Variants in NFIA observed in about 807,000 individuals in gnomAD.
NFIA encodes the protein nuclear factor I A.
A neutral mutation model predicts 62.8 loss-of-function variants in NFIA; 8 were observed. The ratio of observed to expected loss-of-function variants is 0.13; its 90% CI spans 0.07 to 0.23. The LOEUF (loss-of-function observed/expected upper bound fraction) is 0.23, where lower values mean the gene tolerates loss of function less well. NFIA is among the 10% of genes least tolerant of loss of function. NFIA has a pLI of 1.00. For synonymous variants in NFIA, 235 were observed against 238.1 expected, an observed-to-expected ratio of 0.99 and a Z score of 0.12; for missense variants, 410 against 642.1, an observed-to-expected ratio of 0.64 and a Z score of 3.91.
chr1:61,236,897 C>T (rs1041346184), intron 2 of NFIA, among the ~76,000 whole-genome samples: 1 of 152,186 alleles, frequency 6.6e-6, no homozygotes, highest in African/African-American at 2.4e-5. Context: ...AGAACAACCT[C>T]TTTGAAGCCA....
At chr1:61,240,441 G>A (rs550105878) in intron 2 of NFIA, among the ~76,000 whole-genome samples, 2 of 151,746 alleles carry the variant, frequency 1.3e-5, no homozygotes, top group African/African-American at 4.8e-5. Context: ...CTTTATCACC[G>A]TATTTATGAT....
intron 2 of NFIA, among the ~76,000 whole-genome samples, chr1:61,179,343 T>C (rs1252731878): frequency 6.6e-6 from 1 of 152,148 alleles, no homozygotes; most frequent in Non-Finnish European, 1.5e-5. Context: ...GAGAAGAAGG[T>C]AGGATTTGGA....
Position 61,406,635 on chromosome 1 carries a change from C to T in NFIA, c.1328C>T (p.Pro443Leu). 6.2e-7 allele frequency: 1 copy of T among 1,612,778 alleles called. No homozygotes were observed. Among genetic ancestry groups the T allele is most frequent in the Non-Finnish European group, 8.5e-7 (1 of 1,179,660 alleles). Residue 443 changes from proline (P) to leucine (L), a missense_variant, in exon 9 of 11, where the codon CCA (proline) becomes CTA (leucine). Physicochemically the swap from Pro to Leu is moderately conservative, Grantham distance 98. Coordinates refer to ENST00000403491, the MANE Select transcript of NFIA (RefSeq NM_001134673.4). ...CCAATGTTGCCACCGCCACCGCCAC[C>T]ACCGATGGCCAGGCCTGTGCCTCTG... ...PTPMLPPPPP[P>L]PMARPVPLPV...
Position 61,088,059 on chromosome 1 carries a change from GA to G in NFIA, c.28-88del. 1 of 1,297,486 alleles carries G rather than the reference GA, an allele frequency of 7.7e-7. No individual in the cohort carries two copies. Among genetic ancestry groups the G allele is most frequent in the South Asian group, 1.5e-5 (1 of 67,280 alleles). 80.4% of individuals were successfully genotyped at this position (1,297,486 alleles called of 1,614,324 possible). A position where few individuals can be genotyped will look rare whatever the true frequency, so the allele number is the denominator to read the frequency against. On this transcript the variant is annotated intron_variant, in intron 1 of 10. Coordinates refer to ENST00000403491, the MANE Select transcript of NFIA (RefSeq NM_001134673.4). This position sits in a 1 kb window ranked among gnomAD's most constrained non-coding sequence, Gnocchi z 4.5. ...CTAATCAAATTTCAAGTGAAATGAG[GA>G]ATTTCTTTCTTAAGGTGACCCGCTG...
chr1:61,255,697 A>G (rs2100224068), intron 2 of NFIA, among the ~76,000 whole-genome samples: 1 of 152,292 alleles, frequency 6.6e-6, no homozygotes. Flanking sequence ...TTTGGTGGGA[A>G]GTTTTGGTCT....
intron 6 of NFIA, among the ~76,000 whole-genome samples, chr1:61,376,595 A>G (rs17122038): frequency 0.34 from 50,918 of 151,988 alleles, 8,846 homozygotes; most frequent in East Asian, 0.42. Flanking sequence ...GATTCCTAGT[A>G]TACTTCAGAG....
chr1:61,454,797 A>T (rs1039961476), intron 10 of NFIA, among the ~76,000 whole-genome samples: 1 of 152,170 alleles, frequency 6.6e-6, no homozygotes, highest in East Asian at 1.9e-4. Context: ...TGTCACAATC[A>T]TGGCTTCAGT....
chr1:61,135,979 C>T (rs779060527), intron 2 of NFIA, among the ~76,000 whole-genome samples: 4 of 152,132 alleles, frequency 2.6e-5, no homozygotes, highest in South Asian at 2.1e-4. Flanking sequence ...CCTCCGCTTA[C>T]GCTCGCATAC....
At chr1:61,127,461 TAA>T (rs879760637) in intron 2 of NFIA, among the ~76,000 whole-genome samples, 2 of 141,826 alleles carry the variant, frequency 1.4e-5, no homozygotes, top group African/African-American at 2.6e-5. Context: ...GATTCCATAT[TAA>T]AAAAAAAAAA....
In NFIA at chr1:61,200,029, T is replaced by TACAC. The variant is rs1161220372; in HGVS notation, c.560-77490_560-77489insCACA. On this transcript the variant is annotated intron_variant, in intron 2 of 10. Transcript: ENST00000403491. ...ATATATGTATATATATATATATATATATATATATATATATATATATATATA... is the reference window on the plus strand; with the variant it reads ...ATATATGTATATATATATATATATATACACATATATATATATATATATATATATA... Among the ~76,000 whole-genome samples, 345 of 43,230 alleles carry TACAC rather than the reference T, an allele frequency of 8.0e-3. 10 individuals are homozygous for TACAC. Among genetic ancestry groups the TACAC allele is most frequent in the African/African-American group, 0.041 (323 of 7,928 alleles). The allele number at this position is 43,230 out of a possible 152,430, so 28.4% of individuals were successfully genotyped here.
intron 2 of NFIA, among the ~76,000 whole-genome samples, chr1:61,090,420 G>A (rs1646299782): frequency 6.6e-6 from 1 of 152,150 alleles, no homozygotes; most frequent in South Asian, 2.1e-4. Context: ...AAATACCTGT[G>A]AAGTTTTTGT....
At chr1:61,263,827 T>G (rs998383625) in intron 2 of NFIA, among the ~76,000 whole-genome samples, 2 of 151,992 alleles carry the variant, frequency 1.3e-5, no homozygotes, top group African/African-American at 4.8e-5. Flanking sequence ...CTGTCTCTAC[T>G]AAAAATACAA....
At chr1:61,140,518 T>C (rs953596239) in intron 2 of NFIA, among the ~76,000 whole-genome samples, 1 of 152,152 alleles carries the variant, frequency 6.6e-6, no homozygotes, top group African/African-American at 2.4e-5. Flanking sequence ...ATGTTTTCTA[T>C]GTGTAGAAAA....
chr1:61,263,430 G>A (rs1028273241), intron 2 of NFIA, among the ~76,000 whole-genome samples: 3 of 152,132 alleles, frequency 2.0e-5, no homozygotes, highest in East Asian at 1.9e-4. Flanking sequence ...AGGGCATGAC[G>A]GGCAGGTAGA....
At chr1:61,160,577 G>A (rs1649123918) in intron 2 of NFIA, among the ~76,000 whole-genome samples, 1 of 152,164 alleles carries the variant, frequency 6.6e-6, no homozygotes, top group African/African-American at 2.4e-5. Context: ...ATTGCATTGA[G>A]CATGTGGTAA....
At chr1:61,241,129 A>G (rs537228312) in intron 2 of NFIA, among the ~76,000 whole-genome samples, 43 of 152,228 alleles carry the variant, frequency 2.8e-4, no homozygotes, top group African/African-American at 9.9e-4. Context: ...GTTTTCTAGA[A>G]TTATACCTGA....
chr1:61,422,847 T>C (rs542429969), intron 9 of NFIA, among the ~76,000 whole-genome samples: 46 of 151,770 alleles, frequency 3.0e-4, no homozygotes, highest in Non-Finnish European at 5.9e-4. Context: ...CCCCTAGAGA[T>C]AATTCCTAGC....
intron 2 of NFIA, among the ~76,000 whole-genome samples, chr1:61,188,368 C>T (rs1380485841): frequency 6.6e-6 from 1 of 152,110 alleles, no homozygotes; most frequent in Non-Finnish European, 1.5e-5. Flanking sequence ...TCAACAAAAA[C>T]ATCTATTGTG....
intron 3 of NFIA, among the ~76,000 whole-genome samples, chr1:61,282,621 C>G (rs1195813871): frequency 6.6e-6 from 1 of 152,142 alleles, no homozygotes; most frequent in African/African-American, 2.4e-5. Context: ...GAGTCAGTGT[C>G]TGAGGCAACA....
Sources: allele counts gnomAD v4.1 joint callset (sites outside exome capture counted in the v4.1 genomes callset), GRCh38; gene constraint gnomAD v4.1.1; non-coding constraint Gnocchi (gnomAD v3.1); transcripts MANE v1.5; gene names NCBI Gene and HGNC (gene_info 2026-07-23, HGNC 2026-07-21).